Variants in NLGN1 observed in about 807,000 individuals in gnomAD.
NLGN1 encodes neuroligin 1.
A neutral mutation model predicts 65.5 loss-of-function variants in NLGN1; 12 were observed. The observed-to-expected ratio is 0.18, with a 90% CI of 0.12 to 0.30. NLGN1 has a LOEUF of 0.30. Ranked by LOEUF, NLGN1 falls within the 10% of genes least tolerant of loss-of-function variation. The pLI is 1.00. For synonymous variants in NLGN1, 350 were observed against 359.5 expected (o/e 0.97, Z 0.30); for missense variants, 750 against 1,007.1 (o/e 0.74, Z 3.46).
At chr3:174,076,962 T>A (rs1164947163) in intron 4 of NLGN1, among the ~76,000 whole-genome samples, 4 of 152,106 alleles carry the variant, frequency 2.6e-5, no homozygotes, top group African/African-American at 9.7e-5. Context: ...TTCAAATTTC[T>A]CCTATCCAAA....
intron 3 of NLGN1, among the ~76,000 whole-genome samples, chr3:173,791,922 TC>T (rs1678339818): frequency 6.6e-6 from 1 of 152,266 alleles, no homozygotes; most frequent in African/African-American, 2.4e-5. Flanking sequence ...AGCTCTAGCG[TC>T]CTATGAATCT....
intron 4 of NLGN1, among the ~76,000 whole-genome samples, chr3:173,824,791 G>A (rs756819277): frequency 2.6e-5 from 4 of 152,076 alleles, no homozygotes; most frequent in East Asian, 1.9e-4. Context: ...AAAATGCTCC[G>A]TATCTATAGG....
rs138457259 is a variant in NLGN1 at position 173,638,020 on chromosome 3, A to G, written c.493+32929A>G. ...TATATACTAATAGGTGTGCCAGTAG[A>G]TTTTAATAGAGATATTTACTTTTCC... On this transcript the variant is annotated intron_variant, in intron 3 of 6. Transcript: ENST00000457714. Among the ~76,000 whole-genome samples the G allele has an allele frequency of 6.6e-3, 1,003 of 152,302 alleles. 12 individuals are homozygous for G. Among genetic ancestry groups the G allele is most frequent in the African/African-American group, 0.023 (959 of 41,572 alleles).
At chr3:173,636,380 G>A (rs1432610362) in intron 3 of NLGN1, among the ~76,000 whole-genome samples, 1 of 152,142 alleles carries the variant, frequency 6.6e-6, no homozygotes, top group Non-Finnish European at 1.5e-5. Context: ...TTCCTTCAAG[G>A]AAATTATAAC....
At position 173,726,530 on chromosome 3, in the gene NLGN1, A is replaced by G. The variant is rs115255827; in HGVS notation, c.494-81150A>G. 3.8e-3 allele frequency among the ~76,000 whole-genome samples: 585 copies of G among 152,168 alleles called. 4 individuals carry two copies. The highest frequency in any genetic ancestry group is 5.1e-3 in the Non-Finnish European group (346 of 67,992). On this transcript the variant is annotated intron_variant, in intron 3 of 6. Transcript: ENST00000457714. ...ATAAAACATGACAATACCCTTTATT[A>G]TTATTATGCTCTGGTTCTCCAACTT...
At chr3:174,220,487 A>G (rs1232457757) in intron 4 of NLGN1, among the ~76,000 whole-genome samples, 1 of 152,178 alleles carries the variant, frequency 6.6e-6, no homozygotes, top group Admixed American at 6.5e-5. Flanking sequence ...CCTGACAAAG[A>G]TATTCTTTGG....
At chr3:173,472,758 C>T (rs998277644) in intron 2 of NLGN1, among the ~76,000 whole-genome samples, 1 of 152,090 alleles carries the variant, frequency 6.6e-6, no homozygotes, top group South Asian at 2.1e-4. Flanking sequence ...AATTTAATTA[C>T]TGCGACTATA....
chr3:174,263,575 G>A lies in NLGN1; in HGVS notation c.647-11740G>A, dbSNP rs1041844272. ...ATCCTTTTATATTGAGCCTATGTGT[G>A]TCTCTGCACGTGAGATGGGATTCCT... On this transcript the variant is annotated intron_variant, in intron 4 of 6. Coordinates refer to ENST00000457714, the Ensembl canonical transcript of NLGN1. Among the ~76,000 whole-genome samples, 163 of 152,070 alleles carry A rather than the reference G, an allele frequency of 1.1e-3. 1 individual carries two copies. The highest frequency in any genetic ancestry group is 3.7e-3 in the African/African-American group (152 of 41,464).
intron 3 of NLGN1, among the ~76,000 whole-genome samples, chr3:173,673,494 T>A (rs1269687042): frequency 6.6e-6 from 1 of 152,124 alleles, no homozygotes; most frequent in East Asian, 1.9e-4. Context: ...GTTTGCAAGG[T>A]CTAGTTTGCT....
At chr3:173,696,539 C>T (rs1334122162) in intron 3 of NLGN1, among the ~76,000 whole-genome samples, 1 of 152,116 alleles carries the variant, frequency 6.6e-6, no homozygotes, top group Non-Finnish European at 1.5e-5. Flanking sequence ...TGAAATCATT[C>T]TGAACATTGA....
chr3:173,961,930 G>A (rs187474046), intron 4 of NLGN1, among the ~76,000 whole-genome samples: 102 of 152,030 alleles, frequency 6.7e-4, no homozygotes, highest in Middle Eastern at 6.8e-3. Flanking sequence ...TCCCCCATGG[G>A]TGTCTTCTTC....
At chr3:174,108,538 G>T (rs1012434068) in intron 4 of NLGN1, among the ~76,000 whole-genome samples, 13 of 152,024 alleles carry the variant, frequency 8.6e-5, no homozygotes, top group Non-Finnish European at 7.4e-5. Context: ...AATTATTCAG[G>T]AACTATTGCA....
chr3:173,402,203 C>T (rs1717819556), intron 1 of NLGN1, among the ~76,000 whole-genome samples: 1 of 152,120 alleles, frequency 6.6e-6, no homozygotes, highest in South Asian at 2.1e-4. Flanking sequence ...ACTATAGTAA[C>T]TTTAAGATGG....
chr3:174,278,718 TTCCCTTAAGAAAAATATCTCTAAC>T, intron 5 of NLGN1, 119 bp from the exon 6 acceptor site: 1 of 635,874 alleles, frequency 1.6e-6, no homozygotes, highest in Non-Finnish European at 2.4e-6. Flanking sequence ...CTTTGTGTAC[TTCCCTTAAGAAAAATATCTCTAAC>T]TCCCTGTTTC....
At chr3:173,600,664 C>T (rs1161828010) in intron 2 of NLGN1, among the ~76,000 whole-genome samples, 1 of 137,554 alleles carries the variant, frequency 7.3e-6, no homozygotes, top group Non-Finnish European at 1.5e-5. Context: ...AGGCCCTGCT[C>T]CCACATTCAT....
chr3:173,813,675 A>G (rs1177561960), intron 4 of NLGN1, among the ~76,000 whole-genome samples: 3 of 152,264 alleles, frequency 2.0e-5, no homozygotes, highest in Non-Finnish European at 4.4e-5. Context: ...AAAAGGATAC[A>G]GAAAGTTAGG....
intron 2 of NLGN1, among the ~76,000 whole-genome samples, chr3:173,602,750 A>G (rs1750744998): frequency 6.6e-6 from 1 of 152,034 alleles, no homozygotes; most frequent in South Asian, 2.1e-4. Flanking sequence ...TGCATTTTTA[A>G]CACCAAAAGG....
At chr3:174,211,987 G>A (rs7640207) in intron 4 of NLGN1, among the ~76,000 whole-genome samples, 16,999 of 152,166 alleles carry the variant, frequency 0.11, 2,157 homozygotes, top group African/African-American at 0.31. Context: ...CTCAGCCCTT[G>A]GGTGGTCGAT....
chr3:173,993,234 A>G (rs973953876), intron 4 of NLGN1, among the ~76,000 whole-genome samples: 24 of 152,196 alleles, frequency 1.6e-4, no homozygotes, highest in African/African-American at 5.5e-4. Context: ...TGTGTTGTGG[A>G]AGCATGTAAA....
Sources: gnomAD v4.1 joint callset for allele counts (sites outside exome capture counted in the v4.1 genomes callset) on GRCh38, gnomAD v4.1.1 for gene constraint, MANE v1.5 for transcripts, NCBI Gene and HGNC (gene_info 2026-07-23, HGNC 2026-07-21) for gene names.